The following KCNMA1 variants were observed in gnomAD, a reference collection of about 807,000 sequenced individuals.
KCNMA1 encodes Calcium-activated potassium channel subunit alpha-1.
In KCNMA1, 29 loss-of-function variants were observed where a neutral mutation model predicts 140.0. That is an observed-to-expected ratio of 0.21 (90% CI 0.15 to 0.28). KCNMA1 has a LOEUF of 0.28. KCNMA1 is among the 10% of genes least tolerant of loss of function. KCNMA1 has a pLI of 1.00. For synonymous variants in KCNMA1, 612 were observed against 611.9 expected, an observed-to-expected ratio of 1.00 and a Z score of 0.00; for missense variants, 880 against 1,602.2, an observed-to-expected ratio of 0.55 and a Z score of 7.70.
At chr10:77,512,878 G>A (rs959047348) in intron 1 of KCNMA1, among the ~76,000 whole-genome samples, 6 of 152,142 alleles carry the variant, frequency 3.9e-5, no homozygotes, top group African/African-American at 1.2e-4. Flanking sequence ...CCAAGCCACC[G>A]TTCCACTATT....
chr10:77,073,061 C>T, intron 14 of KCNMA1, 36 bp downstream of exon 14: 1 of 1,604,168 alleles, frequency 6.2e-7, no homozygotes, highest in Non-Finnish European at 8.5e-7. Context: ...CAAATGGAAT[C>T]CCGAGCTAAT....
intron 18 of KCNMA1, among the ~76,000 whole-genome samples, chr10:77,009,249 C>A (rs182835238): frequency 2.7e-4 from 41 of 152,242 alleles, no homozygotes; most frequent in Admixed American, 6.5e-4. Context: ...ACCTCACTAG[C>A]TCCACCAACT....
intron 24 of KCNMA1, chr10:76,911,290 T>C (rs2050125541): frequency 6.6e-6 from 1 of 152,204 alleles, no homozygotes; most frequent in Admixed American, 6.5e-5. Context: ...TATTTTAAAA[T>C]GACATCATCT....
At chr10:77,198,644 G>C (rs2041487798) in intron 3 of KCNMA1, among the ~76,000 whole-genome samples, 1 of 149,308 alleles carries the variant, frequency 6.7e-6, no homozygotes. Context: ...AAATTCAGTA[G>C]AGATTCATCA....
chr10:76,985,567 T>A (rs1185602760), intron 19 of KCNMA1, among the ~76,000 whole-genome samples: 1 of 152,218 alleles, frequency 6.6e-6, no homozygotes, highest in African/African-American at 2.4e-5. Flanking sequence ...GTTATATTTT[T>A]AAAATAGCAA....
In KCNMA1 at chr10:76,886,400, C is replaced by T; in HGVS notation, c.*866G>A. The T allele has an allele frequency of 2.0e-6, 2 of 985,110 alleles. No individual in the cohort carries two copies. Among genetic ancestry groups the T allele is most frequent in the Non-Finnish European group, 2.4e-6 (2 of 829,696 alleles). 61.0% of individuals were successfully genotyped at this position (985,110 alleles called of 1,614,324 possible). ...TGACTTACATCTGATATTTATGATA[C>T]ATATGGCTTTTCATCCCAAATGTCA... On this transcript the variant is annotated 3_prime_UTR_variant, in exon 28 of 28. Transcript: ENST00000286628.
At chr10:76,976,637 A>T (rs1341446452) in intron 19 of KCNMA1, among the ~76,000 whole-genome samples, 1 of 152,098 alleles carries the variant, frequency 6.6e-6, no homozygotes, top group African/African-American at 2.4e-5. Context: ...GCATGTACCA[A>T]AGCCCCCCAT....
At chr10:77,000,854 G>GAA (rs147198441) in intron 19 of KCNMA1, among the ~76,000 whole-genome samples, 1 of 10,516 alleles carries the variant, frequency 9.5e-5, no homozygotes, top group Non-Finnish European at 2.0e-4. Context: ...ATAGTAAAAA[G>GAA]AAAATATATA....
chr10:77,043,436 G>T (rs1351568268), intron 14 of KCNMA1, among the ~76,000 whole-genome samples: 2 of 152,146 alleles, frequency 1.3e-5, no homozygotes, highest in Non-Finnish European at 2.9e-5. Context: ...ACAGTATGGT[G>T]GTTCCTCAAA....
rs573313292 is a variant in KCNMA1, at chr10:77,418,058, C to T, written c.379-14035G>A. Among the ~76,000 whole-genome samples the T allele has an allele frequency of 8.5e-5, 13 of 152,342 alleles. No homozygotes were observed. The East Asian group carries it at 2.5e-3, about 29-fold the overall frequency. ...CAGCCTCTATGTCCCTGGGTTCCCA[C>T]ACACCCTAGTTTGGATCTAGGTCTC... is the stretch of plus-strand genomic sequence containing the variant. On this transcript the variant is annotated intron_variant, in intron 1 of 27. Coordinates refer to ENST00000286628, the MANE Select transcript of KCNMA1 (RefSeq NM_001161352.2).
At chr10:77,158,800 G>A (rs895932180) in intron 5 of KCNMA1, among the ~76,000 whole-genome samples, 21 of 152,130 alleles carry the variant, frequency 1.4e-4, no homozygotes. Context: ...AGGAGTTCAA[G>A]GTGATAGCTC....
chr10:77,021,616 AGTGAAGTATCCT>A (rs1299016261), intron 16 of KCNMA1, among the ~76,000 whole-genome samples: 3 of 152,346 alleles, frequency 2.0e-5, no homozygotes, highest in Admixed American at 6.5e-5. Context: ...TTGTCTGCAC[AGTGAAGTATCCT>A]GTGTTCCTTA....
At chr10:77,207,206 T>A (rs2044430502) in intron 3 of KCNMA1, among the ~76,000 whole-genome samples, 1 of 152,188 alleles carries the variant, frequency 6.6e-6, no homozygotes, top group African/African-American at 2.4e-5. Context: ...TCTGATTACA[T>A]AAATTTAATA....
Position 77,001,531 on chromosome 10 carries a change from G to A in KCNMA1, c.2142C>T (p.Cys714=), listed in dbSNP as rs1034501475. The part of the protein sequence containing the change: ...KRMRRACCFD[C]GRSERDCSCM... The stretch of plus-strand genomic sequence containing the variant: ...ATGAGCAGTCACGCTCAGAACGTCC[G>A]CAATCAAAACAACATGCCCGTCTCA... Residue 714 remains cysteine, a synonymous_variant, in exon 19 of 28, where the codon TGC becomes TGT. Coordinates refer to ENST00000286628, the MANE Select transcript of KCNMA1 (RefSeq NM_001161352.2). 1.3e-5 allele frequency: 20 copies of A among 1,551,978 alleles called. No homozygotes were observed. Among genetic ancestry groups the A allele is most frequent in the African/African-American group, 4.1e-5 (3 of 73,046 alleles).
rs766026969 is a variant in KCNMA1, at chr10:77,434,507, C to T, written c.379-30484G>A. Among the ~76,000 whole-genome samples, 6 of 152,156 alleles carry T rather than the reference C, an allele frequency of 3.9e-5. No individual in the cohort carries two copies. The South Asian group carries it at 1.0e-3, about 26-fold the overall frequency. ...CCTAAGCGAGAGGCTCCCCTATTAG[C>T]GTGATGCATGTCTTGGACCATTATG... On this transcript the variant is annotated intron_variant, in intron 1 of 27. Transcript: ENST00000286628.
rs561356193 is a variant in KCNMA1 at position 77,354,244 on chromosome 10, C to T, written c.540+49618G>A. Among the ~76,000 whole-genome samples the T allele has an allele frequency of 3.9e-5, 6 of 152,320 alleles. No individual in the cohort carries two copies. In the South Asian group the frequency reaches 1.2e-3, roughly 32 times the overall value. The stretch of plus-strand genomic sequence containing the variant: ...TCTTGACCTCGTGATCTGCCTGCCT[C>T]AGCATCCCAAAGTGCTGAAAGTGAC... On this transcript the variant is annotated intron_variant, in intron 2 of 27. Transcript: ENST00000286628.
intron 3 of KCNMA1, among the ~76,000 whole-genome samples, chr10:77,217,092 G>T (rs373140456): frequency 3.3e-5 from 5 of 152,058 alleles, no homozygotes; most frequent in East Asian, 1.9e-4. Context: ...ATCACCTGAG[G>T]TCAGGAGATT....
intron 12 of KCNMA1, 80 bp downstream of exon 12, chr10:77,084,557 C>G (rs2096651518): frequency 3.7e-6 from 4 of 1,077,330 alleles, no homozygotes; most frequent in Non-Finnish European, 4.3e-6. Context: ...TAGAGATAGT[C>G]CTCTGCAGAA....
At chr10:77,309,935 C>T (rs2078822365) in intron 2 of KCNMA1, among the ~76,000 whole-genome samples, 1 of 152,168 alleles carries the variant, frequency 6.6e-6, no homozygotes, top group Non-Finnish European at 1.5e-5. Context: ...CAATCAGCCA[C>T]ACAGAAACAA....
Sources: gnomAD v4.1 joint callset for allele counts (sites outside exome capture counted in the v4.1 genomes callset) on GRCh38, gnomAD v4.1.1 for gene constraint, MANE v1.5 for transcripts, NCBI Gene and HGNC (gene_info 2026-07-23, HGNC 2026-07-21) for gene names.